Variants in CALU observed in about 807,000 individuals in gnomAD.
The protein encoded by CALU is calumenin, also known as IEF SSP 9302.
Under a neutral mutation model 37.5 loss-of-function variants are expected in CALU, and 13 were observed. The observed-to-expected ratio is 0.35, with a 90% CI of 0.23 to 0.55. The LOEUF (loss-of-function observed/expected upper bound fraction) is 0.55. Ranked by LOEUF, CALU falls within the 20% of genes least tolerant of loss-of-function variation. The pLI is 0.89. For missense variants in CALU, 282 were observed against 391.7 expected, an observed-to-expected ratio of 0.72 and a Z score of 2.36; for synonymous variants, 114 against 133.8, an observed-to-expected ratio of 0.85 and a Z score of 1.02.
intron 4 of CALU, 151 bp downstream of exon 4, chr7:128,759,188 C>G: frequency 1.9e-6 from 1 of 532,208 alleles, no homozygotes; most frequent in Non-Finnish European, 3.1e-6. Flanking sequence ...TGGCCAGATT[C>G]AGAATCCAAG....
chr7:128,748,161 C>A, intron 1 of CALU: 1 of 478,290 alleles, frequency 2.1e-6, no homozygotes, highest in Non-Finnish European at 3.7e-6. Flanking sequence ...TTCTAATAAC[C>A]AGCCATGTTT....
intron 3 of CALU, chr7:128,754,741 G>A (rs1563130860): frequency 6.6e-7 from 1 of 1,514,982 alleles, no homozygotes; most frequent in Non-Finnish European, 8.9e-7. Context: ...CAAGATGTCA[G>A]CCTGGCAGGG....
chr7:128,764,649 G>A (rs771016019), intron 5 of CALU, among the ~76,000 whole-genome samples: 1 of 151,990 alleles, frequency 6.6e-6, no homozygotes, highest in Non-Finnish European at 1.5e-5. Flanking sequence ...AAATATGAAA[G>A]TGGCATTGTG....
At chr7:128,765,330 C>T (rs1282603384) in intron 5 of CALU, among the ~76,000 whole-genome samples, 1 of 152,216 alleles carries the variant, frequency 6.6e-6, no homozygotes, top group Non-Finnish European at 1.5e-5. Context: ...AAGCCATCCT[C>T]CTGCCTCAGC....
Position 128,769,867 on chromosome 7 carries a change from G to A in CALU, c.*700G>A. 1 of 152,200 alleles carries A rather than the reference G, an allele frequency of 6.6e-6. No homozygotes were observed. The allele number at this position is 152,200 out of a possible 1,614,324, so 9.4% of individuals were successfully genotyped here. On this transcript the variant is annotated 3_prime_UTR_variant, in exon 7 of 7. Transcript: ENST00000249364. The stretch of plus-strand genomic sequence containing the variant: ...CACAGCTGTGGTGGGAAGAGTTAGG[G>A]CCAGTGTCTTGAAAATCAATCAAGT...
At position 128,771,974 on chromosome 7, in the gene CALU, G is replaced by T. The variant is rs1324503919; in HGVS notation, c.*2807G>T. On this transcript the variant is annotated 3_prime_UTR_variant, in exon 7 of 7. Transcript: ENST00000249364. Reference sequence around the variant, plus strand: ...CTGGAATAATTTGTGCTTGCTCAGGGGCTTGTGGACATGGCTGTTCCTGCC... The same window carrying T: ...CTGGAATAATTTGTGCTTGCTCAGGTGCTTGTGGACATGGCTGTTCCTGCC... 1.3e-5 allele frequency among the ~76,000 whole-genome samples: 2 copies of T among 152,050 alleles called. No homozygotes were observed. Among genetic ancestry groups the T allele is most frequent in the African/African-American group, 4.8e-5 (2 of 41,406 alleles).
chr7:128,748,812 A>G lies in CALU; in HGVS notation c.221+8A>G, dbSNP rs1170148820. On this transcript the variant is annotated splice_region_variant and intron_variant, in intron 2 of 6. Coordinates refer to ENST00000249364, the MANE Select transcript of CALU (RefSeq NM_001219.5). ...GAGCAAGGAAAGGCTTGGGTAAGGT[A>G]CCACCTCTCAGGGGTCTAGTGTGGG... The G allele has an allele frequency of 3.1e-6, 5 of 1,592,158 alleles. No homozygotes were observed. In the South Asian group the frequency reaches 4.4e-5, roughly 14 times the overall value.
intron 6 of CALU, 88 bp from the exon 7 acceptor site, chr7:128,768,975 G>A: frequency 1.4e-6 from 1 of 727,338 alleles, no homozygotes; most frequent in East Asian, 2.7e-5. Context: ...CTTAACTTCT[G>A]ATTAACCCCA....
chr7:128,768,273 A>G (rs1022014327), intron 6 of CALU, among the ~76,000 whole-genome samples: 10 of 152,158 alleles, frequency 6.6e-5, no homozygotes, highest in African/African-American at 2.2e-4. Flanking sequence ...TGTCTAAGCT[A>G]ATCTTCAATT....
intron 5 of CALU, among the ~76,000 whole-genome samples, chr7:128,766,305 C>CCATTTTT (rs1801326655): frequency 2.0e-5 from 3 of 151,754 alleles, no homozygotes; most frequent in Non-Finnish European, 4.4e-5. Context: ...CTCAATTAGG[C>CCATTTTT]CATTTTTCAA....
At chr7:128,745,117 A>G (rs544276393) in intron 1 of CALU, among the ~76,000 whole-genome samples, 1 of 152,166 alleles carries the variant, frequency 6.6e-6, no homozygotes, top group Admixed American at 6.5e-5. Context: ...GTATTATGCT[A>G]TATTTTATTT....
intron 6 of CALU, among the ~76,000 whole-genome samples, 195 bp from the exon 7 acceptor site, chr7:128,768,868 A>AAT (rs1207568324): frequency 1.3e-5 from 2 of 150,518 alleles, no homozygotes; most frequent in Non-Finnish European, 3.0e-5. Context: ...AAAAAAAAAA[A>AAT]CAAGGAATGT....
chr7:128,763,671 C>G (rs540084537), intron 5 of CALU, among the ~76,000 whole-genome samples: 1 of 152,316 alleles, frequency 6.6e-6, no homozygotes, highest in African/African-American at 2.4e-5. Context: ...GTGTCTATTT[C>G]CTAATTCAGA....
intron 5 of CALU, among the ~76,000 whole-genome samples, chr7:128,766,914 AT>A (rs1801357882): frequency 6.6e-6 from 1 of 152,186 alleles, no homozygotes; most frequent in Non-Finnish European, 1.5e-5. Context: ...CCAGAGGTAC[AT>A]TCTTATGAAG....
intron 2 of CALU, among the ~76,000 whole-genome samples, chr7:128,749,288 A>G (rs1800567600): frequency 6.6e-6 from 1 of 152,236 alleles, no homozygotes; most frequent in Non-Finnish European, 1.5e-5. Flanking sequence ...TTGTTTAATT[A>G]AAAAACAAAA....
rs770979573 is a variant in CALU at position 128,767,529 on chromosome 7, G to A, written c.717G>A (p.Glu239=). Residue 239 remains glutamate (E), a synonymous_variant, in exon 6 of 7, where the codon GAG becomes GAA. Transcript: ENST00000249364. The stretch of plus-strand genomic sequence containing the variant: ...AGACAGAGCGAGAGCAGTTTGTTGA[G>A]TTTCGGGATAAGAACCGTGATGGGA... ...WVKTEREQFV[E]FRDKNRDGKM... 17 of 1,614,028 alleles carry A rather than the reference G, an allele frequency of 1.1e-5. No individual in the cohort carries two copies. Among genetic ancestry groups the A allele is most frequent in the African/African-American group, 1.3e-5 (1 of 74,938 alleles).
chr7:128,759,448 A>G (rs1209903252), intron 4 of CALU, among the ~76,000 whole-genome samples: 2 of 152,220 alleles, frequency 1.3e-5, no homozygotes, highest in Non-Finnish European at 2.9e-5. Context: ...TAAACACATA[A>G]TCACTGGTCA....
At chr7:128,760,894 C>T (rs923466281) in intron 5 of CALU, among the ~76,000 whole-genome samples, 7 of 151,954 alleles carry the variant, frequency 4.6e-5, no homozygotes, top group Non-Finnish European at 8.8e-5. Context: ...GGCTACAGAG[C>T]GAGACTCCGT....
intron 6 of CALU, among the ~76,000 whole-genome samples, chr7:128,768,752 C>A (rs1801426553): frequency 6.8e-6 from 1 of 147,812 alleles, no homozygotes; most frequent in African/African-American, 2.5e-5. Context: ...GCAGAAAAAT[C>A]ACTTAAATCA....
Sources: allele counts gnomAD v4.1 joint callset (sites outside exome capture counted in the v4.1 genomes callset), GRCh38; gene constraint gnomAD v4.1.1; transcripts MANE v1.5; gene names NCBI Gene and HGNC (gene_info 2026-07-23, HGNC 2026-07-21).